Variants in TENM1 observed in about 807,000 individuals in gnomAD.
TENM1 encodes teneurin-1.
Under a neutral mutation model 174.8 loss-of-function variants are expected in TENM1, and 35 were observed. The observed-to-expected ratio is 0.20, with a 90% CI of 0.15 to 0.27. The LOEUF is 0.27. Ranked by LOEUF, TENM1 falls within the 10% of genes least tolerant of loss-of-function variation. The pLI, the probability that TENM1 is intolerant of heterozygous loss-of-function variation, is 1.00. For missense variants in TENM1, 1,633 were observed against 2,130.1 expected (o/e 0.77, Z 4.59); for synonymous variants, 781 against 798.7 (o/e 0.98, Z 0.37).
At chrX:124,805,889 T>TATCA (rs2055583539) in intron 3 of TENM1, among the ~76,000 whole-genome samples, 1 of 111,407 alleles carries the variant, frequency 9.0e-6, no homozygotes, top group Non-Finnish European at 1.9e-5. Flanking sequence ...AATATGCAAA[T>TATCA]ATCAACATAT....
chrX:124,676,864 C>CAA (rs57417124), intron 5 of TENM1, among the ~76,000 whole-genome samples: 98 of 57,075 alleles, frequency 1.7e-3, no homozygotes, highest in African/African-American at 2.7e-3. Flanking sequence ...CTCATTGACT[C>CAA]AAAAAAAAAA....
intron 3 of TENM1, among the ~76,000 whole-genome samples, chrX:124,756,527 T>C (rs2054249826): frequency 8.9e-6 from 1 of 112,054 alleles, no homozygotes; most frequent in African/African-American, 3.3e-5. Context: ...GTTCCGTTGC[T>C]GGTGAGGAAC....
intron 3 of TENM1, among the ~76,000 whole-genome samples, chrX:124,769,277 T>G (rs778910270): frequency 4.6e-4 from 51 of 111,826 alleles, no homozygotes; most frequent in African/African-American, 1.7e-3. Flanking sequence ...CTATGGGGAC[T>G]TTAATGTTTA....
At position 124,476,500 on chromosome X, in the gene TENM1, A is replaced by G. The variant is rs186478311; in HGVS notation, c.3949+5232T>C. Among the ~76,000 whole-genome samples the G allele has an allele frequency of 2.9e-3, 325 of 111,722 alleles. 1 individual carries two copies. The highest frequency in any genetic ancestry group is 5.0e-3 in the Non-Finnish European group (263 of 53,120). ...TCAGAGGCTGTTTGCACTTGTCTGG[A>G]TATTGCCTAAGTTCTGCTCCTGCTG... On this transcript the variant is annotated intron_variant, in intron 22 of 31. Coordinates refer to ENST00000422452, the Ensembl canonical transcript of TENM1.
the TENM1 span, among the ~76,000 whole-genome samples, chrX:125,044,202 TAAA>T: frequency 0.018 from 1,006 of 55,814 alleles, 24 homozygotes; most frequent in African/African-American, 0.089. Flanking sequence ...AGATTAAAAA[TAAA>T]AAAAAATAAA....
At position 124,901,335 on chromosome X, in the gene TENM1, G is replaced by GA. The variant is rs200525688; in HGVS notation, c.218-5095dup. Among the ~76,000 whole-genome samples the GA allele has an allele frequency of 4.4e-3, 474 of 108,418 alleles. 2 individuals carry two copies. The highest frequency in any genetic ancestry group is 0.015 in the African/African-American group (446 of 29,913). 94.1% of individuals were successfully genotyped at this position (108,418 alleles called of 115,157 possible). ...TTTTTTTTAAATGCTATGAAGCACT[G>GA]AAAAAAAAATAAATGACTCTACTTT... On this transcript the variant is annotated intron_variant, in intron 1 of 31. Coordinates refer to ENST00000422452, the Ensembl canonical transcript of TENM1.
intron 28 of TENM1, among the ~76,000 whole-genome samples, chrX:124,387,610 T>C (rs1461743351): frequency 8.9e-6 from 1 of 112,624 alleles, no homozygotes; most frequent in Non-Finnish European, 1.9e-5. Context: ...AATGTACATT[T>C]ATATCTTCTA....
At chrX:124,996,535 T>TAA in the TENM1 span, among the ~76,000 whole-genome samples, 5 of 85,594 alleles carry the variant, frequency 5.8e-5, no homozygotes, top group Non-Finnish European at 9.1e-5. Context: ...GACATATGAC[T>TAA]AAAAAAAAAA....
intron 19 of TENM1, among the ~76,000 whole-genome samples, chrX:124,498,778 G>C (rs2147985376): frequency 9.0e-6 from 1 of 110,533 alleles, no homozygotes; most frequent in African/African-American, 3.3e-5. Flanking sequence ...GTGTGATACA[G>C]TTTTTATTAC....
rs762170365 is a variant in TENM1, at chrX:124,462,340, T to C, written c.3950-8849A>G. On this transcript the variant is annotated intron_variant, in intron 22 of 31. Transcript: ENST00000422452. ...AATCACTGCTTGGAGCAGAGATTCT[T>C]CCACTCCCCAGGCAACCCACATTAA... Among the ~76,000 whole-genome samples the C allele has an allele frequency of 7.6e-5, 8 of 104,616 alleles. 1 individual carries two copies. The South Asian group carries it at 3.5e-3, about 46-fold the overall frequency. 90.8% of individuals were successfully genotyped at this position (104,616 alleles called of 115,157 possible). A position where few individuals can be genotyped will look rare whatever the true frequency, so the allele number is the denominator to read the frequency against.
intron 1 of TENM1, among the ~76,000 whole-genome samples, chrX:124,938,747 C>T (rs1486353563): frequency 8.9e-6 from 1 of 112,176 alleles, no homozygotes; most frequent in African/African-American, 3.2e-5. Context: ...TCTTAGTGAA[C>T]ATAATCTCTC....
At chrX:124,387,730 G>A (rs2060236915) in intron 28 of TENM1, among the ~76,000 whole-genome samples, 1 of 112,418 alleles carries the variant, frequency 8.9e-6, no homozygotes, top group African/African-American at 3.2e-5. Flanking sequence ...TGAAGTCAAA[G>A]TCAGTGGTTA....
At chrX:125,202,889 A>G in the TENM1 span, among the ~76,000 whole-genome samples, 4 of 112,295 alleles carry the variant, frequency 3.6e-5, no homozygotes, top group African/African-American at 1.3e-4. Flanking sequence ...GGAGTGGAAG[A>G]AAGTGAGGTT....
chrX:124,434,141 A>G (rs1212298614), intron 23 of TENM1, among the ~76,000 whole-genome samples: 1 of 111,892 alleles, frequency 8.9e-6, no homozygotes, highest in Non-Finnish European at 1.9e-5. Flanking sequence ...GTTTTAAAAA[A>G]AATCACACTT....
chrX:125,093,379 G>A, the TENM1 span, among the ~76,000 whole-genome samples: 2 of 111,540 alleles, frequency 1.8e-5, no homozygotes, highest in African/African-American at 3.3e-5. Flanking sequence ...CTGAATTCCT[G>A]AATTCACATA....
At chrX:124,385,066 A>G (rs1603244752) in intron 29 of TENM1, among the ~76,000 whole-genome samples, 1 of 112,655 alleles carries the variant, frequency 8.9e-6, no homozygotes, top group Non-Finnish European at 1.9e-5. Context: ...AAAATACTCT[A>G]TAGTTATAGA....
At chrX:124,985,287 G>C in the TENM1 span, among the ~76,000 whole-genome samples, 1 of 112,360 alleles carries the variant, frequency 8.9e-6, no homozygotes, top group East Asian at 2.8e-4. Flanking sequence ...CTCCTTGGAA[G>C]TGATGCAAAG....
intron 3 of TENM1, among the ~76,000 whole-genome samples, chrX:124,857,857 A>G (rs2056842812): frequency 9.0e-6 from 1 of 110,848 alleles, no homozygotes. Context: ...ATACTAATGC[A>G]TGTGCATGTG....
intron 23 of TENM1, among the ~76,000 whole-genome samples, chrX:124,425,595 C>T (rs1202910735): frequency 8.9e-6 from 1 of 112,264 alleles, no homozygotes; most frequent in Non-Finnish European, 1.9e-5. Context: ...CAGTGCCATG[C>T]TCTTGGACTT....
Sources: gnomAD v4.1 joint callset for allele counts (sites outside exome capture counted in the v4.1 genomes callset) on GRCh38, gnomAD v4.1.1 for gene constraint, MANE v1.5 for transcripts, NCBI Gene and HGNC (gene_info 2026-07-23, HGNC 2026-07-21) for gene names.